DNAH11: variants seen among roughly 807,000 people sequenced by gnomAD.
DNAH11 encodes dynein axonemal heavy chain 11.
DNAH11 carries 442 observed loss-of-function variants against 526.0 expected under a neutral mutation model. The observed-to-expected ratio is 0.84, with a 90% CI of 0.78 to 0.91. DNAH11 has a LOEUF of 0.91. DNAH11 is among the 40% of genes least tolerant of loss of function. The probability of loss-of-function intolerance (pLI) is 0.00; values close to 1 mark genes in which losing one functional copy is unlikely to be tolerated. For synonymous variants in DNAH11, 2,461 were observed against 1,935.9 expected, an observed-to-expected ratio of 1.27 and a Z score of -7.12; for missense variants, 6,989 against 5,448.7, an observed-to-expected ratio of 1.28 and a Z score of -8.90.
At chr7:21,703,874 T>C (rs906929025) in intron 37 of DNAH11, 1 of 152,208 alleles carries the variant, frequency 6.6e-6, no homozygotes, top group Non-Finnish European at 1.5e-5. Context: ...AATTTCCTCG[T>C]AATTTAGTAC....
At chr7:21,892,358 T>A in intron 76 of DNAH11, 67 bp from the exon 77 acceptor site, 2 of 1,548,318 alleles carry the variant, frequency 1.3e-6, no homozygotes, top group Non-Finnish European at 1.7e-6. Context: ...CTTCTCGAAG[T>A]GTTGAGGAAG....
chr7:21,824,082 A>C (rs1443432392), intron 65 of DNAH11, among the ~76,000 whole-genome samples: 1 of 152,224 alleles, frequency 6.6e-6, no homozygotes, highest in Non-Finnish European at 1.5e-5. Flanking sequence ...CAATTGCTAA[A>C]CTGAGAAAAC....
intron 50 of DNAH11, 88 bp from the exon 51 acceptor site, chr7:21,744,782 A>C: frequency 1.3e-6 from 2 of 1,496,456 alleles, no homozygotes; most frequent in African/African-American, 2.8e-5. Context: ...GTGGGTCTGC[A>C]AGCTTTTCCC....
At chr7:21,789,201 C>T (rs1030534803) in intron 60 of DNAH11, 40 bp from the exon 61 acceptor site, 2 of 1,397,622 alleles carry the variant, frequency 1.4e-6, no homozygotes, top group East Asian at 2.5e-5. Flanking sequence ...TGAATGATTA[C>T]TTATCCTCTT....
At chr7:21,543,786 G>A (rs1281584209) in intron 1 of DNAH11, 190 bp downstream of exon 1, 1 of 619,246 alleles carries the variant, frequency 1.6e-6, no homozygotes, top group African/African-American at 1.9e-5. Flanking sequence ...AGCAGCTGCA[G>A]GTTAGTTTCC....
intron 71 of DNAH11, 118 bp from the exon 72 acceptor site, chr7:21,867,741 C>A: frequency 1.2e-6 from 1 of 835,418 alleles, no homozygotes; most frequent in Non-Finnish European, 1.9e-6. Context: ...ACAAGACATC[C>A]CATGTAATAA....
chr7:21,586,278 C>T (rs540498726), intron 9 of DNAH11, among the ~76,000 whole-genome samples: 6 of 152,246 alleles, frequency 3.9e-5, no homozygotes, highest in East Asian at 1.9e-4. Flanking sequence ...AATAAATACA[C>T]TTATCATTTC....
chr7:21,586,225 C>T (rs1784474129), intron 9 of DNAH11, among the ~76,000 whole-genome samples: 1 of 152,110 alleles, frequency 6.6e-6, no homozygotes, highest in Non-Finnish European at 1.5e-5. Flanking sequence ...GTATTCTTTC[C>T]ATTGTGGTCA....
At position 21,678,646 on chromosome 7, in the gene DNAH11, G is replaced by A. The variant is rs146488458; in HGVS notation, c.5329-2900G>A. Among the ~76,000 whole-genome samples the A allele has an allele frequency of 4.0e-3, 610 of 152,064 alleles. 7 individuals are homozygous for A. The highest frequency in any genetic ancestry group is 0.014 in the African/African-American group (585 of 41,492). ...GAATTAAGTCTACAGAGAACTCTGG[G>A]CAGTACAGAGATTTTAACAAATATA... On this transcript the variant is annotated intron_variant, in intron 30 of 81. Coordinates refer to ENST00000409508, the MANE Select transcript of DNAH11 (RefSeq NM_001277115.2).
At chr7:21,620,284 A>T (rs1052689574) in intron 25 of DNAH11, among the ~76,000 whole-genome samples, 1 of 152,084 alleles carries the variant, frequency 6.6e-6, no homozygotes, top group African/African-American at 2.4e-5. Context: ...CATACAATGC[A>T]TTATTATTTA....
At chr7:21,659,131 G>T (rs1162867390) in intron 30 of DNAH11, 100 bp downstream of exon 30, 2 of 1,007,216 alleles carry the variant, frequency 2.0e-6, no homozygotes, top group Non-Finnish European at 2.9e-6. Context: ...TGTCATCTGT[G>T]TGCAAAATAC....
At chr7:21,676,504 T>A (rs940624881) in intron 30 of DNAH11, among the ~76,000 whole-genome samples, 6 of 152,210 alleles carry the variant, frequency 3.9e-5, no homozygotes, top group Non-Finnish European at 5.9e-5. Context: ...AGAATTTTAT[T>A]ACTTACAAAA....
At chr7:21,587,684 T>A (rs1434586547) in intron 9 of DNAH11, among the ~76,000 whole-genome samples, 1 of 152,156 alleles carries the variant, frequency 6.6e-6, no homozygotes, top group Non-Finnish European at 1.5e-5. Flanking sequence ...TGGATATTTA[T>A]ATCTAAAGAA....
At chr7:21,763,271 G>A (rs991423731) in intron 54 of DNAH11, among the ~76,000 whole-genome samples, 1 of 147,172 alleles carries the variant, frequency 6.8e-6, no homozygotes, top group African/African-American at 2.5e-5. Flanking sequence ...GAACCCAGGA[G>A]GCAGAGGTTG....
intron 48 of DNAH11, among the ~76,000 whole-genome samples, chr7:21,740,196 GTCTTT>G (rs60587595): frequency 0.2 from 30,499 of 151,644 alleles, 3,200 homozygotes; most frequent in Middle Eastern, 0.27. Flanking sequence ...TTGATCTTTT[GTCTTT>G]TCTTTTCTAT....
intron 28 of DNAH11, among the ~76,000 whole-genome samples, chr7:21,644,699 GA>G (rs1212419570): frequency 6.6e-6 from 1 of 152,176 alleles, no homozygotes; most frequent in African/African-American, 2.4e-5. Context: ...GGAAGGAATA[GA>G]AGCTGCTCAT....
At chr7:21,759,060 T>C (rs762401204) in intron 54 of DNAH11, among the ~76,000 whole-genome samples, 3 of 152,198 alleles carry the variant, frequency 2.0e-5, no homozygotes, top group Non-Finnish European at 2.9e-5. Flanking sequence ...GTTATGGGGC[T>C]AGAGACTGGC....
At chr7:21,750,479 C>A in intron 54 of DNAH11, 115 bp downstream of exon 54, 1 of 1,388,046 alleles carries the variant, frequency 7.2e-7, no homozygotes, top group East Asian at 2.5e-5. Flanking sequence ...TTTGAAAGGA[C>A]GTGTGCATTT....
chr7:21,645,725 TAAATCAGATATCTAA>T (rs1310246506), intron 28 of DNAH11, among the ~76,000 whole-genome samples: 3 of 152,022 alleles, frequency 2.0e-5, no homozygotes, highest in East Asian at 3.9e-4. Context: ...ATCAGATATC[TAAATCAGATATCTAA>T]AAATCAGATA....
Sources: gnomAD v4.1 joint callset for allele counts (sites outside exome capture counted in the v4.1 genomes callset) on GRCh38, gnomAD v4.1.1 for gene constraint, MANE v1.5 for transcripts, NCBI Gene and HGNC (gene_info 2026-07-23, HGNC 2026-07-21) for gene names.